GEMIN8: variants seen among roughly 807,000 people sequenced by gnomAD.
The protein encoded by GEMIN8 is gem nuclear organelle associated protein 8.
For synonymous variants in GEMIN8, 80 were observed against 78.5 expected, an observed-to-expected ratio of 1.02 and a Z score of -0.10; for missense variants, 185 against 205.9, an observed-to-expected ratio of 0.90 and a Z score of 0.62.
chrX:13,989,770 T>A, the GEMIN8 span, among the ~76,000 whole-genome samples: 3 of 112,580 alleles, frequency 2.7e-5, no homozygotes, highest in Non-Finnish European at 5.6e-5. Context: ...GCGCCTTAGC[T>A]GAGAACAGAA....
downstream of GEMIN8, among the ~76,000 whole-genome samples, chrX:14,003,916 C>G (rs1467283778): frequency 1.8e-5 from 2 of 112,112 alleles, no homozygotes; most frequent in Non-Finnish European, 3.8e-5. Context: ...AGATAAACTA[C>G]TTTGTTAGAA....
At chrX:13,990,933 T>C in the GEMIN8 span, among the ~76,000 whole-genome samples, 1 of 112,260 alleles carries the variant, frequency 8.9e-6, no homozygotes, top group East Asian at 2.8e-4. Flanking sequence ...GGTCTCACTA[T>C]GTTGCCCAGG....
intron 4 of GEMIN8, among the ~76,000 whole-genome samples, chrX:14,010,999 G>C (rs771235595): frequency 1.8e-5 from 2 of 112,081 alleles, no homozygotes; most frequent in Non-Finnish European, 3.8e-5. Context: ...AGTGGCGTGG[G>C]AGTGGATGAG....
At chrX:13,996,409 T>G in the GEMIN8 span, among the ~76,000 whole-genome samples, 1 of 112,038 alleles carries the variant, frequency 8.9e-6, no homozygotes, top group African/African-American at 3.2e-5. Flanking sequence ...CAGTTCCACG[T>G]GGCTGGAGAG....
chrX:13,988,396 C>T, the GEMIN8 span, among the ~76,000 whole-genome samples: 7 of 110,071 alleles, frequency 6.4e-5, no homozygotes, highest in East Asian at 2.8e-4. Flanking sequence ...ATGAGGCTTT[C>T]GGAACTCAAA....
At chrX:14,021,944 ATATG>A (rs142677441) in intron 2 of GEMIN8, among the ~76,000 whole-genome samples, 67 of 98,417 alleles carry the variant, frequency 6.8e-4, no homozygotes, top group South Asian at 2.7e-3. Flanking sequence ...ACACACATAT[ATATG>A]TATATGTATG....
At chrX:14,012,573 G>T (rs971479529) in intron 4 of GEMIN8, among the ~76,000 whole-genome samples, 6 of 111,451 alleles carry the variant, frequency 5.4e-5, no homozygotes, top group African/African-American at 6.5e-5. Context: ...CCCTGTGGGG[G>T]TCATTTATGG....
At chrX:14,016,883 A>C (rs1603195335) in intron 4 of GEMIN8, among the ~76,000 whole-genome samples, 1 of 94,802 alleles carries the variant, frequency 1.1e-5, no homozygotes, top group East Asian at 3.4e-4. Flanking sequence ...ATATATATAT[A>C]TATATATATG....
rs772792622 is a variant in GEMIN8 at position 14,020,382 on chromosome X, T to C, written c.168A>G (p.Leu56=). ...AGCTTTGGGGAAGAAGCGCAGAAGG[T>C]AAGTACCATGGAAGATTGAAACAGG... ...VESCFNLPWY[L]PSALLPQSSY... is the part of the protein sequence containing the mutation. The change falls in exon 4 of 5, where the codon TTA becomes TTG. Residue 56 remains leucine (L), a synonymous_variant. Coordinates refer to ENST00000680255, the MANE Select transcript of GEMIN8 (RefSeq NM_001042479.2). 7.0e-5 allele frequency: 85 copies of C among 1,209,290 alleles called. No individual in the cohort carries two copies. In the East Asian group the frequency reaches 1.5e-3, roughly 21 times the overall value.
chrX:13,997,871 C>T, the GEMIN8 span, among the ~76,000 whole-genome samples: 1 of 98,632 alleles, frequency 1.0e-5, no homozygotes, highest in Admixed American at 1.1e-4. Context: ...TGCACTCCAG[C>T]CTGGGCGACA....
Position 14,023,241 on chromosome X carries a change from T to C in GEMIN8, c.-33-1730A>G, listed in dbSNP as rs1043847445. ...TGCTTTCCGGGCCACTGAAGAAATA[T>C]AAAAGTTAATACTTAGGTGGCTTAC... On this transcript the variant is annotated intron_variant, in intron 2 of 4. Transcript: ENST00000680255. Among the ~76,000 whole-genome samples, 3 of 112,461 alleles carry C rather than the reference T, an allele frequency of 2.7e-5. No homozygotes were observed. The Admixed American group carries it at 2.8e-4, about 11-fold the overall frequency.
At chrX:13,998,397 G>A in the GEMIN8 span, among the ~76,000 whole-genome samples, 1 of 110,007 alleles carries the variant, frequency 9.1e-6, no homozygotes, top group Admixed American at 9.8e-5. Flanking sequence ...TCTTGTGATA[G>A]TGAATTGAGT....
chrX:14,017,854 C>T (rs1451936060), intron 4 of GEMIN8, among the ~76,000 whole-genome samples: 1 of 112,474 alleles, frequency 8.9e-6, no homozygotes. Flanking sequence ...AATAAGGTCA[C>T]ATTCTGAGGA....
chrX:14,013,084 G>A (rs1238883319), intron 4 of GEMIN8, among the ~76,000 whole-genome samples: 1 of 112,388 alleles, frequency 8.9e-6, no homozygotes, highest in Non-Finnish European at 1.9e-5. Flanking sequence ...GTAAACCTCA[G>A]AATGGAGTAT....
At chrX:13,997,796 G>T in the GEMIN8 span, among the ~76,000 whole-genome samples, 1 of 108,254 alleles carries the variant, frequency 9.2e-6, no homozygotes, top group Non-Finnish European at 1.9e-5. Context: ...TACTCGGGAG[G>T]CTTGAGGCAT....
At chrX:13,994,759 T>C in the GEMIN8 span, among the ~76,000 whole-genome samples, 2 of 112,470 alleles carry the variant, frequency 1.8e-5, no homozygotes, top group African/African-American at 3.2e-5. Flanking sequence ...GGAGTATTTG[T>C]GGTCAGCATA....
rs61127994 is a variant in GEMIN8 at position 14,016,866 on chromosome X, AAT to A, written c.472+3210_472+3211del. ...TCTCAAAAAAAAAAAAAAAAAAAAA[AAT>A]ATATATATATATATATATATATATG... On this transcript the variant is annotated intron_variant, in intron 4 of 4. Coordinates refer to ENST00000680255, the MANE Select transcript of GEMIN8 (RefSeq NM_001042479.2). Among the ~76,000 whole-genome samples the A allele has an allele frequency of 5.3e-3, 302 of 57,124 alleles. 5 individuals carry two copies. Among genetic ancestry groups the A allele is most frequent in the Non-Finnish European group, 5.4e-3 (182 of 33,415 alleles). The allele number at this position is 57,124 out of a possible 115,157, so 49.6% of individuals were successfully genotyped here.
the GEMIN8 span, among the ~76,000 whole-genome samples, chrX:13,992,334 T>C: frequency 9.0e-6 from 1 of 111,716 alleles, no homozygotes; most frequent in Non-Finnish European, 1.9e-5. Flanking sequence ...TGCCCTGCTG[T>C]GGAGGCATTG....
At chrX:13,990,914 T>C in the GEMIN8 span, among the ~76,000 whole-genome samples, 1 of 111,921 alleles carries the variant, frequency 8.9e-6, no homozygotes, top group Non-Finnish European at 1.9e-5. Context: ...TTATCTTTTG[T>C]AGAGACGTGG....
Sources: gnomAD v4.1 joint callset for allele counts (sites outside exome capture counted in the v4.1 genomes callset) on GRCh38, gnomAD v4.1.1 for gene constraint, MANE v1.5 for transcripts, NCBI Gene and HGNC (gene_info 2026-07-23, HGNC 2026-07-21) for gene names.